Variants in CYSLTR2 observed in about 807,000 individuals in gnomAD.
The protein encoded by CYSLTR2 is G-protein coupled receptor GPCR21.
For synonymous variants in CYSLTR2, 179 were observed against 160.8 expected (o/e 1.11, Z -0.86); for missense variants, 398 against 411.9 (o/e 0.97, Z 0.29).
chr13:48,682,594 G>A (rs1400688384), intron 1 of CYSLTR2, among the ~76,000 whole-genome samples: 1 of 152,142 alleles, frequency 6.6e-6, no homozygotes, highest in Non-Finnish European at 1.5e-5. Flanking sequence ...GGCCCCAGCA[G>A]TCAACTCAGA....
At chr13:48,701,926 A>T (rs1173169722) in intron 4 of CYSLTR2, among the ~76,000 whole-genome samples, 1 of 152,188 alleles carries the variant, frequency 6.6e-6, no homozygotes, top group African/African-American at 2.4e-5. Flanking sequence ...TACCCAAAGG[A>T]TTATAAATCA....
chr13:48,659,486 T>C (rs1465255433), intron 1 of CYSLTR2, among the ~76,000 whole-genome samples: 1 of 152,212 alleles, frequency 6.6e-6, no homozygotes, highest in African/African-American at 2.4e-5. Flanking sequence ...CAAACTACCT[T>C]TGTAAATAAT....
intron 1 of CYSLTR2, among the ~76,000 whole-genome samples, chr13:48,689,851 G>A (rs1171353144): frequency 2.0e-5 from 3 of 152,052 alleles, no homozygotes; most frequent in Non-Finnish European, 4.4e-5. Context: ...TGGGCAGTAT[G>A]GCCATTTTCA....
intron 1 of CYSLTR2, among the ~76,000 whole-genome samples, chr13:48,669,978 C>T (rs992996770): frequency 6.6e-6 from 1 of 152,152 alleles, no homozygotes; most frequent in Non-Finnish European, 1.5e-5. Flanking sequence ...TTCTAACTGG[C>T]GTGAGATAGT....
chr13:48,706,084 C>A (rs1185350706), intron 4 of CYSLTR2, among the ~76,000 whole-genome samples: 3 of 150,368 alleles, frequency 2.0e-5, no homozygotes, highest in Admixed American at 6.6e-5. Flanking sequence ...GCAACTTCTG[C>A]CTCCCAGGTT....
At chr13:48,680,625 C>G (rs1212164552) in intron 1 of CYSLTR2, among the ~76,000 whole-genome samples, 1 of 152,166 alleles carries the variant, frequency 6.6e-6, no homozygotes, top group African/African-American at 2.4e-5. Context: ...CACATGCTCA[C>G]TCCTCTCCCA....
intron 1 of CYSLTR2, among the ~76,000 whole-genome samples, chr13:48,677,013 G>A (rs756732749): frequency 3.7e-4 from 57 of 152,278 alleles, no homozygotes; most frequent in South Asian, 1.0e-3. Flanking sequence ...GAGGTGAGCC[G>A]AGGACAAAGA....
rs1954518861 is a variant in CYSLTR2 at position 48,707,213 on chromosome 13, G to A, written c.396G>A (p.Leu132=). 1.2e-6 allele frequency: 2 copies of A among 1,614,154 alleles called. No homozygotes were observed. Among genetic ancestry groups the A allele is most frequent in the Non-Finnish European group, 1.7e-6 (2 of 1,180,034 alleles). ...GCAGTATTTATTTCCTGACCGTGCT[G>A]AGTGTTGTGCGTTTCCTGGCAATGG... ...MYSSIYFLTV[L]SVVRFLAMVH... is the part of the protein sequence containing the mutation. The change falls in exon 5 of 5, where the codon CTG becomes CTA. Residue 132 remains leucine (L), a synonymous_variant. Coordinates refer to ENST00000682523, the MANE Select transcript of CYSLTR2 (RefSeq NM_001308476.3).
At chr13:48,689,108 G>T (rs1176916788) in intron 1 of CYSLTR2, among the ~76,000 whole-genome samples, 5 of 152,070 alleles carry the variant, frequency 3.3e-5, no homozygotes, top group African/African-American at 1.2e-4. Flanking sequence ...GGGGTTGTTT[G>T]TTTATTCTCG....
At chr13:48,698,324 T>G (rs1954250564) in intron 4 of CYSLTR2, among the ~76,000 whole-genome samples, 1 of 152,186 alleles carries the variant, frequency 6.6e-6, no homozygotes, top group Admixed American at 6.5e-5. Context: ...GCAGATCCCT[T>G]GGCAGAAACT....
rs147241999 is a variant in CYSLTR2, at chr13:48,670,658, C to G, written c.-266+16641C>G. Among the ~76,000 whole-genome samples, 446 of 152,268 alleles carry G rather than the reference C, an allele frequency of 2.9e-3. 3 individuals carry two copies. The highest frequency in any genetic ancestry group is 9.6e-3 in the African/African-American group (398 of 41,546). ...CTATACATCTGTCTTGGTACCCATA[C>G]CATGCTGTTTTGGTTACTGTAGCCT... On this transcript the variant is annotated intron_variant, in intron 1 of 4. Transcript: ENST00000682523.
chr13:48,668,114 C>T (rs1165693245), intron 1 of CYSLTR2, among the ~76,000 whole-genome samples: 2 of 152,068 alleles, frequency 1.3e-5, no homozygotes, highest in African/African-American at 4.8e-5. Flanking sequence ...CTGTCCATTC[C>T]CCATGAAAAT....
chr13:48,703,732 A>G (rs1198314266), intron 4 of CYSLTR2, among the ~76,000 whole-genome samples: 4 of 152,134 alleles, frequency 2.6e-5, no homozygotes, highest in African/African-American at 9.7e-5. Context: ...TCAGGGTAAT[A>G]CTTAGCTTCA....
chr13:48,675,726 C>A (rs530008066), intron 1 of CYSLTR2, among the ~76,000 whole-genome samples: 1 of 152,260 alleles, frequency 6.6e-6, no homozygotes, highest in African/African-American at 2.4e-5. Flanking sequence ...AGCTCAGTGT[C>A]TGCCCAAACA....
At chr13:48,703,344 A>G (rs1278053304) in intron 4 of CYSLTR2, among the ~76,000 whole-genome samples, 4 of 152,122 alleles carry the variant, frequency 2.6e-5, no homozygotes, top group Non-Finnish European at 5.9e-5. Context: ...GTTAGAACTT[A>G]TAGCACTATG....
At chr13:48,660,449 G>C (rs1300149067) in intron 1 of CYSLTR2, among the ~76,000 whole-genome samples, 3 of 152,138 alleles carry the variant, frequency 2.0e-5, no homozygotes, top group African/African-American at 4.8e-5. Context: ...CTCATACTTT[G>C]GGGGCTCCTT....
chr13:48,675,226 T>C lies in CYSLTR2; in HGVS notation c.-265-15986T>C, dbSNP rs377542042. 5.7e-3 allele frequency among the ~76,000 whole-genome samples: 863 copies of C among 152,342 alleles called. 7 individuals carry two copies. Among genetic ancestry groups the C allele is most frequent in the African/African-American group, 0.02 (823 of 41,582 alleles). On this transcript the variant is annotated intron_variant, in intron 1 of 4. Coordinates refer to ENST00000682523, the MANE Select transcript of CYSLTR2 (RefSeq NM_001308476.3). ...GGCAGGCAGGAACGTTTAAGTCTGC[T>C]GAAGTTGTGCCCACAGCCACCCCTT... is the stretch of plus-strand genomic sequence containing the variant.
In CYSLTR2 at chr13:48,661,885, G is replaced by C. The variant is rs542979696; in HGVS notation, c.-266+7868G>C. ...TTCAATATCCTCCTTTGAACTAGTT[G>C]AAACTATTTAATACATTATTGTTAA... On this transcript the variant is annotated intron_variant, in intron 1 of 4. Coordinates refer to ENST00000682523, the MANE Select transcript of CYSLTR2 (RefSeq NM_001308476.3). Among the ~76,000 whole-genome samples the C allele has an allele frequency of 1.4e-4, 21 of 152,134 alleles. No homozygotes were observed. The South Asian group carries it at 4.0e-3, about 29-fold the overall frequency.
At position 48,710,083 on chromosome 13, in the gene CYSLTR2, C is replaced by T. The variant is rs1954600131; in HGVS notation, c.*2225C>T. The T allele has an allele frequency of 6.6e-6, 1 of 152,188 alleles. No homozygotes were observed. Among genetic ancestry groups the T allele is most frequent in the Non-Finnish European group, 1.5e-5 (1 of 68,046 alleles). The allele number at this position is 152,188 out of a possible 1,614,324, so 9.4% of individuals were successfully genotyped here. On this transcript the variant is annotated 3_prime_UTR_variant, in exon 5 of 5. Transcript: ENST00000682523. ...TTGTATTAGAGAGGAAATATAACCACAGTACACTACATGGCTCAGCTGTGA... is the reference window on the plus strand; with the variant it reads ...TTGTATTAGAGAGGAAATATAACCATAGTACACTACATGGCTCAGCTGTGA...
Sources: gnomAD v4.1 joint callset for allele counts (sites outside exome capture counted in the v4.1 genomes callset) on GRCh38, gnomAD v4.1.1 for gene constraint, MANE v1.5 for transcripts, NCBI Gene and HGNC (gene_info 2026-07-23, HGNC 2026-07-21) for gene names.